BTBD9: variants seen among roughly 807,000 people sequenced by gnomAD.
BTBD9 encodes BTB/POZ domain-containing protein 9.
Under a neutral mutation model 64.3 loss-of-function variants are expected in BTBD9, and 49 were observed. That is an observed-to-expected ratio of 0.76 (90% CI 0.61 to 0.97). The LOEUF is 0.97. Ranked by LOEUF, BTBD9 falls within the 50% of genes least tolerant of loss-of-function variation. The probability of loss-of-function intolerance (pLI) is 0.00; values close to 1 mark genes in which losing one functional copy is unlikely to be tolerated. For synonymous variants in BTBD9, 260 were observed against 274.7 expected (o/e 0.95, Z 0.53); for missense variants, 598 against 762.1 (o/e 0.78, Z 2.53).
chr6:38,566,625 G>C (rs755898211), intron 6 of BTBD9, among the ~76,000 whole-genome samples: 1 of 152,108 alleles, frequency 6.6e-6, no homozygotes, highest in African/African-American at 2.4e-5. Context: ...CGAAATATTC[G>C]TTGACAGCTG....
intron 10 of BTBD9, chr6:38,179,652 C>T (rs1220320266): frequency 2.2e-6 from 1 of 456,778 alleles, no homozygotes; most frequent in South Asian, 1.5e-5. Context: ...GTTCACTCTT[C>T]TGCAAATGGC....
At chr6:38,383,622 G>A (rs1287630015) in intron 6 of BTBD9, among the ~76,000 whole-genome samples, 1 of 152,136 alleles carries the variant, frequency 6.6e-6, no homozygotes, top group East Asian at 1.9e-4. Context: ...CAGATATGGA[G>A]AAAGTTATAA....
intron 7 of BTBD9, among the ~76,000 whole-genome samples, chr6:38,303,685 C>A (rs1033209625): frequency 2.6e-5 from 4 of 151,760 alleles, no homozygotes; most frequent in African/African-American, 9.7e-5. Context: ...AAAATCATTA[C>A]TGATATGCTT....
At chr6:38,306,273 G>A (rs1762618396) in intron 7 of BTBD9, among the ~76,000 whole-genome samples, 1 of 152,130 alleles carries the variant, frequency 6.6e-6, no homozygotes, top group South Asian at 2.1e-4. Context: ...GTCCCAATTT[G>A]TGTCACTTTG....
At chr6:38,564,017 T>C (rs1056163974) in intron 6 of BTBD9, among the ~76,000 whole-genome samples, 27 of 151,898 alleles carry the variant, frequency 1.8e-4, no homozygotes, top group South Asian at 1.7e-3. Context: ...CTCCTGACCT[T>C]GTGATCCGCC....
chr6:38,276,705 C>T (rs1466910835), intron 8 of BTBD9, among the ~76,000 whole-genome samples: 3 of 152,056 alleles, frequency 2.0e-5, no homozygotes, highest in African/African-American at 4.8e-5. Flanking sequence ...GTTAGAACAG[C>T]AAAAGACTGG....
intron 1 of BTBD9, among the ~76,000 whole-genome samples, chr6:38,635,526 A>G (rs1011642202): frequency 1.3e-5 from 2 of 152,188 alleles, no homozygotes; most frequent in Admixed American, 6.5e-5. Flanking sequence ...TGATTCCCCA[A>G]TGCAACAGCA....
At chr6:38,361,876 A>C (rs542171722) in intron 6 of BTBD9, among the ~76,000 whole-genome samples, 13 of 151,674 alleles carry the variant, frequency 8.6e-5, no homozygotes, top group Admixed American at 4.6e-4. Context: ...AGGAAAAAAA[A>C]AAAACAAAAA....
At chr6:38,585,808 A>G (rs1776489215) in intron 4 of BTBD9, among the ~76,000 whole-genome samples, 1 of 152,150 alleles carries the variant, frequency 6.6e-6, no homozygotes, top group South Asian at 2.1e-4. Context: ...AAACAACATA[A>G]TTACATTGTT....
In BTBD9 at chr6:38,365,630, C is replaced by T. The variant is rs968488495; in HGVS notation, c.1155-20537G>A. Among the ~76,000 whole-genome samples the T allele has an allele frequency of 5.3e-5, 8 of 152,012 alleles. No homozygotes were observed. In the South Asian group the frequency reaches 8.3e-4, roughly 16 times the overall value. On this transcript the variant is annotated intron_variant, in intron 6 of 10. Transcript: ENST00000481247. The stretch of plus-strand genomic sequence containing the variant: ...AAAATTTGCAGGGCGTGGTGGCACA[C>T]GCCTATAATCCCAGCTTCTCAGAAG...
intron 6 of BTBD9, among the ~76,000 whole-genome samples, chr6:38,564,716 A>G (rs376035788): frequency 1.6e-4 from 25 of 152,042 alleles, no homozygotes; most frequent in South Asian, 6.2e-4. Flanking sequence ...GTGAAACCCC[A>G]TCTCTACTAA....
At chr6:38,628,567 C>T (rs1427386998) in intron 1 of BTBD9, among the ~76,000 whole-genome samples, 1 of 152,092 alleles carries the variant, frequency 6.6e-6, no homozygotes, top group South Asian at 2.1e-4. Context: ...AGAATAAACT[C>T]CGCAGTGTAG....
intron 9 of BTBD9, among the ~76,000 whole-genome samples, chr6:38,198,921 G>A (rs1762360761): frequency 6.6e-6 from 1 of 152,194 alleles, no homozygotes; most frequent in Non-Finnish European, 1.5e-5. Context: ...CACACAGAAA[G>A]CAAGTGGAAT....
chr6:38,595,829 A>C, intron 2 of BTBD9: 22 of 985,386 alleles, frequency 2.2e-5, no homozygotes, highest in Non-Finnish European at 2.7e-5. Flanking sequence ...TAATCCAGAG[A>C]GCATCCAACC....
rs117885666 is a variant in BTBD9, at chr6:38,385,683, T to C, written c.1155-40590A>G. ...GGTTAATAGAACAAATATTAAGAAA[T>C]AGTAGATTGGCTAGATATCTTTAAG... On this transcript the variant is annotated intron_variant, in intron 6 of 10. Coordinates refer to ENST00000481247, the MANE Select transcript of BTBD9 (RefSeq NM_001099272.2). 1.0e-3 allele frequency among the ~76,000 whole-genome samples: 159 copies of C among 152,174 alleles called. 4 individuals carry two copies. In the East Asian group the frequency reaches 0.016, roughly 16 times the overall value.
intron 7 of BTBD9, among the ~76,000 whole-genome samples, chr6:38,294,351 A>G (rs1330351223): frequency 6.6e-6 from 1 of 152,230 alleles, no homozygotes; most frequent in Non-Finnish European, 1.5e-5. Context: ...TCATGCTGCT[A>G]TAAAGAGACA....
intron 9 of BTBD9, among the ~76,000 whole-genome samples, chr6:38,246,461 C>CGTGTGTGTGTGT (rs146032456): frequency 6.6e-6 from 1 of 150,798 alleles, no homozygotes; most frequent in African/African-American, 2.4e-5. Context: ...CGTGCACGTA[C>CGTGTGTGTGTGT]GTGTGTGTGT....
chr6:38,470,429 G>A (rs1204469702), intron 6 of BTBD9, among the ~76,000 whole-genome samples: 8 of 152,166 alleles, frequency 5.3e-5, no homozygotes, highest in African/African-American at 1.9e-4. Flanking sequence ...GGAAGCATAG[G>A]TTGAAGACGG....
intron 6 of BTBD9, among the ~76,000 whole-genome samples, chr6:38,525,917 A>C (rs1049623092): frequency 1.3e-5 from 2 of 152,224 alleles, no homozygotes; most frequent in African/African-American, 4.8e-5. Flanking sequence ...AGAGTGTAAA[A>C]GTTTGGAAAA....
Sources: gnomAD v4.1 joint callset for allele counts (sites outside exome capture counted in the v4.1 genomes callset) on GRCh38, gnomAD v4.1.1 for gene constraint, MANE v1.5 for transcripts, NCBI Gene and HGNC (gene_info 2026-07-23, HGNC 2026-07-21) for gene names.